The following STIM2 variants were observed in gnomAD, a reference collection of about 807,000 sequenced individuals.
STIM2 encodes stromal interaction molecule 2.
A neutral mutation model predicts 85.8 loss-of-function variants in STIM2; 31 were observed. The ratio of observed to expected loss-of-function variants is 0.36; its 90% CI spans 0.27 to 0.49. STIM2 has a LOEUF of 0.49. STIM2 is among the 20% of genes least tolerant of loss of function. STIM2 has a pLI of 0.98. For synonymous variants in STIM2, 356 were observed against 331.1 expected, an observed-to-expected ratio of 1.08 and a Z score of -0.82; for missense variants, 841 against 927.6, an observed-to-expected ratio of 0.91 and a Z score of 1.21.
chr4:26,906,090 G>A (rs1577429463), intron 1 of STIM2, among the ~76,000 whole-genome samples: 2 of 152,090 alleles, frequency 1.3e-5, no homozygotes, highest in Admixed American at 6.6e-5. Flanking sequence ...AGAATACTGT[G>A]CAGCCATAAA....
chr4:26,864,998 A>G (rs891877066), intron 1 of STIM2, among the ~76,000 whole-genome samples: 1 of 152,200 alleles, frequency 6.6e-6, no homozygotes, highest in African/African-American at 2.4e-5. Context: ...TATTTTACAA[A>G]TAACTTACAC....
chr4:26,947,174 A>G (rs1251848051), intron 2 of STIM2, among the ~76,000 whole-genome samples: 1 of 152,134 alleles, frequency 6.6e-6, no homozygotes, highest in African/African-American at 2.4e-5. Flanking sequence ...CTCCCATGAT[A>G]ACATCAGAAC....
At chr4:26,870,736 C>T (rs1219619978) in intron 1 of STIM2, among the ~76,000 whole-genome samples, 1 of 152,034 alleles carries the variant, frequency 6.6e-6, no homozygotes, top group East Asian at 1.9e-4. Flanking sequence ...AGATATTCAC[C>T]CTAGCTTGTA....
chr4:26,918,697 A>G (rs371287543), intron 1 of STIM2, among the ~76,000 whole-genome samples: 22 of 152,320 alleles, frequency 1.4e-4, no homozygotes, highest in African/African-American at 4.6e-4. Flanking sequence ...CCATTTTGGT[A>G]TATAGGTTGT....
rs1275052726 is a variant in STIM2, at chr4:27,008,954, G to T, written c.1441G>T (p.Val481Phe). ...TCCACCCTATCCAATTGCTGGAGGA[G>T]TTGATGACTTAGATGAAGACACACC... Residue 481 changes from valine (V) to phenylalanine (F), a missense_variant, in exon 10 of 12, where the codon GTT (valine) becomes TTT (phenylalanine). By Grantham distance (50) the Val-to-Phe change is conservative. Coordinates refer to ENST00000467087, the MANE Select transcript of STIM2 (RefSeq NM_020860.4). 1 of 1,614,108 alleles carries T rather than the reference G, an allele frequency of 6.2e-7. No individual in the cohort carries two copies. The highest frequency in any genetic ancestry group is 8.5e-7 in the Non-Finnish European group (1 of 1,180,024).
intron 3 of STIM2, among the ~76,000 whole-genome samples, chr4:26,994,116 G>C (rs1373522464): frequency 6.6e-6 from 1 of 151,964 alleles, no homozygotes; most frequent in Non-Finnish European, 1.5e-5. Flanking sequence ...TCTGTATGTT[G>C]GTGACTTCCC....
chr4:26,872,802 A>C (rs1040344724), intron 1 of STIM2, among the ~76,000 whole-genome samples: 1 of 152,188 alleles, frequency 6.6e-6, no homozygotes, highest in Non-Finnish European at 1.5e-5. Context: ...TAAAATAGAA[A>C]ATAATGTGGG....
chr4:27,015,517 T>A (rs959950104), intron 10 of STIM2, among the ~76,000 whole-genome samples: 1 of 152,070 alleles, frequency 6.6e-6, no homozygotes, highest in African/African-American at 2.4e-5. Context: ...ATAAATTCTC[T>A]TAGTCTTTGC....
chr4:26,973,593 G>C (rs559236467), intron 3 of STIM2, among the ~76,000 whole-genome samples: 1 of 152,104 alleles, frequency 6.6e-6, no homozygotes, highest in African/African-American at 2.4e-5. Context: ...ATCGCACTGT[G>C]GTCTGAGAGG....
chr4:27,007,784 C>T (rs1392059578), intron 8 of STIM2, 84 bp downstream of exon 8: 11 of 1,375,238 alleles, frequency 8.0e-6, no homozygotes, highest in Non-Finnish European at 1.1e-5. Flanking sequence ...ATACACAGAT[C>T]TGAATAAAAG....
intron 7 of STIM2, among the ~76,000 whole-genome samples, chr4:27,006,568 T>C (rs1223893735): frequency 6.6e-6 from 1 of 152,238 alleles, no homozygotes; most frequent in Non-Finnish European, 1.5e-5. Context: ...ATCTTTAGTT[T>C]GAAAGCTCTT....
chr4:26,902,415 C>T (rs546015510), intron 1 of STIM2, among the ~76,000 whole-genome samples: 1 of 152,220 alleles, frequency 6.6e-6, no homozygotes, highest in South Asian at 2.1e-4. Context: ...GAACTTTAAT[C>T]CTAAGTGTTA....
intron 1 of STIM2, among the ~76,000 whole-genome samples, chr4:26,904,472 G>T (rs1410883545): frequency 6.6e-6 from 1 of 152,020 alleles, no homozygotes; most frequent in African/African-American, 2.4e-5. Flanking sequence ...GTGCTGTCTT[G>T]GAAATTAAAT....
In STIM2 at chr4:26,860,977, G is replaced by A. The variant is rs1722147615; in HGVS notation, c.-242G>A. The A allele has an allele frequency of 3.1e-6, 4 of 1,276,598 alleles. No homozygotes were observed. Among genetic ancestry groups the A allele is most frequent in the Non-Finnish European group, 4.0e-6 (4 of 1,000,532 alleles). 79.1% of individuals were successfully genotyped at this position (1,276,598 alleles called of 1,614,324 possible). ...GAACCAATGAACGCAGCCGGGATCA[G>A]AGCTCCGGAGGCCGCCGGTGCCGAT... On this transcript the variant is annotated 5_prime_UTR_variant, in exon 1 of 12. Coordinates refer to ENST00000467087, the MANE Select transcript of STIM2 (RefSeq NM_020860.4).
At chr4:26,937,288 C>G (rs549877380) in intron 2 of STIM2, among the ~76,000 whole-genome samples, 2 of 151,960 alleles carry the variant, frequency 1.3e-5, no homozygotes, top group Non-Finnish European at 2.9e-5. Flanking sequence ...TGTTACAGAC[C>G]GGAAGGGGGC....
chr4:26,985,082 G>A (rs1727531550), intron 3 of STIM2, among the ~76,000 whole-genome samples: 1 of 152,146 alleles, frequency 6.6e-6, no homozygotes, highest in African/African-American at 2.4e-5. Flanking sequence ...GTGCAAATGA[G>A]GAGCTCACAT....
intron 1 of STIM2, chr4:26,873,685 A>C: frequency 1.3e-6 from 1 of 767,538 alleles, no homozygotes. Flanking sequence ...TTCTGCCATA[A>C]TGGCTTCATC....
chr4:26,976,675 G>A (rs533217751), intron 3 of STIM2, among the ~76,000 whole-genome samples: 8 of 151,964 alleles, frequency 5.3e-5, no homozygotes, highest in South Asian at 4.2e-4. Flanking sequence ...GGTGTGGTGC[G>A]CACCTGTAAT....
chr4:26,944,889 A>G (rs1725756368), intron 2 of STIM2, among the ~76,000 whole-genome samples: 1 of 152,222 alleles, frequency 6.6e-6, no homozygotes, highest in Admixed American at 6.5e-5. Context: ...TGAATGTTTA[A>G]ATGAATAAAG....
Sources: gnomAD v4.1 joint callset for allele counts (sites outside exome capture counted in the v4.1 genomes callset) on GRCh38, gnomAD v4.1.1 for gene constraint, MANE v1.5 for transcripts, NCBI Gene and HGNC (gene_info 2026-07-23, HGNC 2026-07-21) for gene names.